Variants in SUN1 observed in about 807,000 individuals in gnomAD.
The protein encoded by SUN1 is SUN domain-containing protein 1.
Under a neutral mutation model 103.2 loss-of-function variants are expected in SUN1, and 61 were observed. That is an observed-to-expected ratio of 0.59 (90% CI 0.48 to 0.73). SUN1 has a LOEUF of 0.73. Ranked by LOEUF, SUN1 falls within the 30% of genes least tolerant of loss-of-function variation. The pLI, the probability that SUN1 is intolerant of heterozygous loss-of-function variation, is 0.00. For missense variants in SUN1, 1,052 were observed against 1,034.6 expected, an observed-to-expected ratio of 1.02 and a Z score of -0.23; for synonymous variants, 490 against 425.7, an observed-to-expected ratio of 1.15 and a Z score of -1.86.
chr7:855,861 T>G (rs750686092), intron 11 of SUN1, among the ~76,000 whole-genome samples: 16 of 151,880 alleles, frequency 1.1e-4, no homozygotes, highest in Non-Finnish European at 1.5e-4. Context: ...GCGGGGCGCC[T>G]CCTCCTGTGT....
intron 17 of SUN1, 46 bp downstream of exon 17, chr7:869,562 G>C: frequency 1.3e-6 from 2 of 1,593,484 alleles, no homozygotes; most frequent in Non-Finnish European, 1.7e-6. Flanking sequence ...CTTCCTGGGA[G>C]TTCCCACAGA....
intron 11 of SUN1, 87 bp from the exon 12 acceptor site, chr7:856,270 TA>T: frequency 7.2e-7 from 1 of 1,383,232 alleles, no homozygotes; most frequent in Non-Finnish European, 1.0e-6. Context: ...GTATTCCAGA[TA>T]AATCAATGGA....
intron 7 of SUN1, 111 bp downstream of exon 7, chr7:852,154 A>C: frequency 1.0e-6 from 1 of 995,930 alleles, no homozygotes; most frequent in Non-Finnish European, 1.5e-6. Flanking sequence ...ATATTTACAT[A>C]GTGTTTGTAT....
intron 13 of SUN1, among the ~76,000 whole-genome samples, chr7:858,202 G>A (rs1222269895): frequency 6.6e-6 from 1 of 152,120 alleles, no homozygotes; most frequent in African/African-American, 2.4e-5. Context: ...CTACAGGCAT[G>A]TGCCACTATG....
At chr7:817,298 C>T (rs1001824224) in intron 1 of SUN1, 9 of 868,680 alleles carry the variant, frequency 1.0e-5, no homozygotes, top group Non-Finnish European at 1.1e-5. Flanking sequence ...TCTCTCCATG[C>T]TGCCCAGGTC....
upstream of SUN1, chr7:816,169 GCCCTCCGCGATGCAGAC>G (rs1780344874): frequency 4.8e-6 from 1 of 209,580 alleles, no homozygotes; most frequent in Non-Finnish European, 7.9e-6. Flanking sequence ...GAGGGGCAGA[GCCCTCCGCGATGCAGAC>G]CCCTCCCCCA....
At chr7:861,817 G>A (rs751327470) in intron 15 of SUN1, among the ~76,000 whole-genome samples, 4 of 152,234 alleles carry the variant, frequency 2.6e-5, no homozygotes, top group South Asian at 2.1e-4. Flanking sequence ...CTCCCCGAGG[G>A]CGTCCACTCA....
intron 5 of SUN1, among the ~76,000 whole-genome samples, chr7:847,839 G>A (rs1427346210): frequency 5.0e-5 from 7 of 139,230 alleles, no homozygotes; most frequent in Admixed American, 1.4e-4. Flanking sequence ...ACCCCGCAGC[G>A]CCGTGCGCCA....
intron 9 of SUN1, 42 bp from the exon 10 acceptor site, chr7:853,367 C>T (rs1308596975): frequency 1.9e-6 from 3 of 1,606,876 alleles, no homozygotes; most frequent in Non-Finnish European, 2.5e-6. Flanking sequence ...TGTGCTCATG[C>T]TTGTTTGACT....
chr7:873,510 GCTCA>G lies in SUN1; in HGVS notation c.*182_*185del. 1 of 620,038 alleles carries G rather than the reference GCTCA, an allele frequency of 1.6e-6. No individual in the cohort carries two copies. Among genetic ancestry groups the G allele is most frequent in the Non-Finnish European group, 2.8e-6 (1 of 355,616 alleles). 38.4% of individuals were successfully genotyped at this position (620,038 alleles called of 1,614,324 possible). A position where few individuals can be genotyped will look rare whatever the true frequency, so the allele number is the denominator to read the frequency against. On this transcript the variant is annotated 3_prime_UTR_variant, in exon 19 of 19. Coordinates refer to ENST00000401592, the MANE Select transcript of SUN1 (RefSeq NM_001130965.3). ...GGCGCCTTGGCGCCACCTGTTGGGT[GCTCA>G]CTGCCTCTGCAGGTGCAGAGGGGTC...
upstream of SUN1, among the ~76,000 whole-genome samples, chr7:829,067 G>C (rs905622689): frequency 6.6e-6 from 1 of 152,278 alleles, no homozygotes; most frequent in African/African-American, 2.4e-5. Context: ...ACAGATGCCA[G>C]CAGGAGCATC....
chr7:837,745 C>T (rs983726251), intron 1 of SUN1, among the ~76,000 whole-genome samples: 3 of 152,230 alleles, frequency 2.0e-5, no homozygotes, highest in Non-Finnish European at 2.9e-5. Context: ...CATCCGTGTC[C>T]TCCTGTCTCC....
intron 16 of SUN1, chr7:869,058 C>G: frequency 2.5e-6 from 1 of 399,734 alleles, no homozygotes; most frequent in Non-Finnish European, 4.7e-6. Flanking sequence ...CTTGCCACGA[C>G]CAAGGACCAT....
chr7:830,415 C>G (rs28706556), upstream of SUN1, among the ~76,000 whole-genome samples: 1,653 of 152,298 alleles, frequency 0.011, 22 homozygotes, highest in Middle Eastern at 0.027. Flanking sequence ...GGTAAGGAAC[C>G]CTGTTACCTC....
At chr7:870,346 T>C (rs1262486838) in intron 17 of SUN1, among the ~76,000 whole-genome samples, 1 of 146,412 alleles carries the variant, frequency 6.8e-6, no homozygotes, top group East Asian at 2.1e-4. Context: ...TCCTAGCACT[T>C]TGGGAGGCTG....
At chr7:839,378 C>T (rs1436029876) in intron 2 of SUN1, among the ~76,000 whole-genome samples, 3 of 152,214 alleles carry the variant, frequency 2.0e-5, no homozygotes, top group African/African-American at 4.8e-5. Context: ...GGACGATCTC[C>T]GTGTCCAGTT....
chr7:836,007 A>G (rs1168293391), intron 1 of SUN1, among the ~76,000 whole-genome samples: 3 of 152,254 alleles, frequency 2.0e-5, no homozygotes, highest in African/African-American at 7.2e-5. Flanking sequence ...CAACTCAGCC[A>G]TGGAGGCCGG....
At chr7:869,609 C>T (rs2128555482) in intron 17 of SUN1, 93 bp downstream of exon 17, 6 of 1,426,420 alleles carry the variant, frequency 4.2e-6, no homozygotes, top group South Asian at 2.6e-5. Flanking sequence ...GGGACGGCTG[C>T]CTCCCGCTGC....
Position 832,493 on chromosome 7 carries a change from C to A in SUN1, c.-32C>A. The A allele has an allele frequency of 1.2e-6, 2 of 1,602,808 alleles. No homozygotes were observed. The highest frequency in any genetic ancestry group is 4.5e-5 in the East Asian group (2 of 44,562). On this transcript the variant is annotated 5_prime_UTR_variant, in exon 1 of 19. Transcript: ENST00000401592. ...GTTAAAACACTCTGCATTTCTTTCC[C>A]GCCCTCTGCAGTATGGTTTGAAGTG... is the stretch of plus-strand genomic sequence containing the variant.
Sources: gnomAD v4.1 joint callset for allele counts (sites outside exome capture counted in the v4.1 genomes callset) on GRCh38, gnomAD v4.1.1 for gene constraint, MANE v1.5 for transcripts, NCBI Gene and HGNC (gene_info 2026-07-23, HGNC 2026-07-21) for gene names.